FLVCR2: variants seen among roughly 807,000 people sequenced by gnomAD.
The protein encoded by FLVCR2 is choline/ethanolamine transporter FLVCR2.
In FLVCR2, 38 loss-of-function variants were observed where a neutral mutation model predicts 48.9. The ratio of observed to expected loss-of-function variants is 0.78; its 90% CI spans 0.60 to 1.02. The LOEUF is 1.02. Ranked by LOEUF, FLVCR2 falls within the 50% of genes least tolerant of loss-of-function variation. The pLI, the probability that FLVCR2 is intolerant of heterozygous loss-of-function variation, is 0.00. For missense variants in FLVCR2, 664 were observed against 663.3 expected, an observed-to-expected ratio of 1.00 and a Z score of -0.01; for synonymous variants, 255 against 257.0, an observed-to-expected ratio of 0.99 and a Z score of 0.07.
At chr14:75,632,719 C>T in intron 3 of FLVCR2, 1 of 702,284 alleles carries the variant, frequency 1.4e-6, no homozygotes, top group Non-Finnish European at 2.6e-6. Flanking sequence ...CGGTGGTAGT[C>T]TTGTGAGCCT....
intron 1 of FLVCR2, among the ~76,000 whole-genome samples, chr14:75,592,873 A>G (rs1888920133): frequency 6.6e-6 from 1 of 152,130 alleles, no homozygotes; most frequent in African/African-American, 2.4e-5. Flanking sequence ...CTAGGTTATC[A>G]TTTTTAAGTT....
At chr14:75,581,210 G>T (rs961709663) in intron 1 of FLVCR2, among the ~76,000 whole-genome samples, 1 of 152,156 alleles carries the variant, frequency 6.6e-6, no homozygotes, top group East Asian at 1.9e-4. Context: ...AAACTAAACG[G>T]AAGACACAAG....
intron 1 of FLVCR2, among the ~76,000 whole-genome samples, chr14:75,583,823 T>G (rs1440496678): frequency 2.0e-5 from 3 of 152,122 alleles, no homozygotes; most frequent in Non-Finnish European, 4.4e-5. Flanking sequence ...AATGTGGAAT[T>G]GGTAGCCTCC....
chr14:75,623,075 G>C (rs1342893207), intron 2 of FLVCR2, among the ~76,000 whole-genome samples: 2 of 152,122 alleles, frequency 1.3e-5, no homozygotes, highest in Non-Finnish European at 2.9e-5. Flanking sequence ...TCTGCCTCCT[G>C]GGTTCAAGTG....
rs147457802 is a variant in FLVCR2 at position 75,640,214 on chromosome 14, G to A, written c.1236-741G>A. ...GCGGAAGTTGCAGTGAGCCAAGATC[G>A]AACTACTGCACTCCAGCCTGGGAGA... On this transcript the variant is annotated intron_variant, in intron 6 of 9. Coordinates refer to ENST00000238667, the MANE Select transcript of FLVCR2 (RefSeq NM_017791.3). Among the ~76,000 whole-genome samples, 592 of 128,892 alleles carry A rather than the reference G, an allele frequency of 4.6e-3. 3 individuals carry two copies. The highest frequency in any genetic ancestry group is 0.016 in the African/African-American group (570 of 34,600). The allele number at this position is 128,892 out of a possible 152,430, so 84.6% of individuals were successfully genotyped here.
In FLVCR2 at chr14:75,639,342, C is replaced by A. The variant is rs753064767; in HGVS notation, c.1125-10C>A. 1.8e-5 allele frequency: 28 copies of A among 1,575,378 alleles called. No individual in the cohort carries two copies. The South Asian group carries it at 2.9e-4, about 16-fold the overall frequency. ...AGTGTTTGATTCAATTTCTTTGCCTCTACTTGTAGAGAGACAACCCTGGTA... is the reference window on the plus strand; with the variant it reads ...AGTGTTTGATTCAATTTCTTTGCCTATACTTGTAGAGAGACAACCCTGGTA... On this transcript the variant is annotated splice_polypyrimidine_tract_variant and intron_variant, in intron 5 of 9. Coordinates refer to ENST00000238667, the MANE Select transcript of FLVCR2 (RefSeq NM_017791.3).
intron 1 of FLVCR2, among the ~76,000 whole-genome samples, chr14:75,593,409 A>G (rs1295178217): frequency 6.6e-6 from 1 of 152,202 alleles, no homozygotes; most frequent in Non-Finnish European, 1.5e-5. Context: ...CTCTCATGCT[A>G]CATTATAACA....
intron 3 of FLVCR2, among the ~76,000 whole-genome samples, chr14:75,628,202 C>T (rs1252081700): frequency 6.6e-6 from 1 of 152,122 alleles, no homozygotes; most frequent in African/African-American, 2.4e-5. Flanking sequence ...GCAACCTCCA[C>T]CTTCCAGGTT....
In FLVCR2 at chr14:75,579,647, TAG is replaced by T; in HGVS notation, c.669+8_669+9del. 1 of 1,614,008 alleles carries T rather than the reference TAG, an allele frequency of 6.2e-7. No individual in the cohort carries two copies. On this transcript the variant is annotated splice_region_variant and intron_variant, in intron 1 of 9. Coordinates refer to ENST00000238667, the MANE Select transcript of FLVCR2 (RefSeq NM_017791.3). ...TGGCTGTCTTTGGCAATCAGGTAGG[TAG>T]AACAGTTTGTGAATGTTCCCAGGGG...
intron 1 of FLVCR2, among the ~76,000 whole-genome samples, chr14:75,614,870 A>C (rs561897221): frequency 2.0e-5 from 3 of 152,324 alleles, no homozygotes; most frequent in Non-Finnish European, 4.4e-5. Flanking sequence ...AGGAACTGTC[A>C]AACATTTTTC....
intron 1 of FLVCR2, among the ~76,000 whole-genome samples, chr14:75,581,748 TC>T (rs1411933864): frequency 6.6e-6 from 1 of 151,804 alleles, no homozygotes; most frequent in African/African-American, 2.4e-5. Context: ...CGGGGGCAAA[TC>T]CCCAAGCTTG....
In FLVCR2 at chr14:75,641,172, G is replaced by A. The variant is rs768464183; in HGVS notation, c.1342-10G>A. 2 of 1,597,340 alleles carry A rather than the reference G, an allele frequency of 1.3e-6. No homozygotes were observed. The highest frequency in any genetic ancestry group is 1.7e-6 in the Non-Finnish European group (2 of 1,164,818). On this transcript the variant is annotated splice_polypyrimidine_tract_variant and intron_variant, in intron 7 of 9. Transcript: ENST00000238667. The stretch of plus-strand genomic sequence containing the variant: ...GGCCCTTGTTTCCTATCTTCTTTAT[G>A]CCTTTCCAGGTATTTGGGATCATCT...
chr14:75,630,016 G>A (rs565365951), intron 3 of FLVCR2, among the ~76,000 whole-genome samples: 1 of 152,274 alleles, frequency 6.6e-6, no homozygotes, highest in African/African-American at 2.4e-5. Flanking sequence ...GAGCTTTGCC[G>A]AGGTCAAGCT....
At chr14:75,617,263 T>G (rs566742787) in intron 1 of FLVCR2, among the ~76,000 whole-genome samples, 32 of 152,322 alleles carry the variant, frequency 2.1e-4, no homozygotes, top group African/African-American at 7.7e-4. Flanking sequence ...ATTCAAAGTA[T>G]GGCTTCTCCC....
chr14:75,606,479 G>T (rs1490046395), intron 1 of FLVCR2, among the ~76,000 whole-genome samples: 1 of 152,118 alleles, frequency 6.6e-6, no homozygotes, highest in Non-Finnish European at 1.5e-5. Flanking sequence ...GCACACCCAG[G>T]ATTCATCCCT....
chr14:75,583,212 G>T (rs1259293890), intron 1 of FLVCR2, among the ~76,000 whole-genome samples: 1 of 152,152 alleles, frequency 6.6e-6, no homozygotes. Context: ...GGATAGGAGA[G>T]TATATGGCTT....
intron 1 of FLVCR2, among the ~76,000 whole-genome samples, chr14:75,594,467 C>T (rs1888967255): frequency 6.6e-6 from 1 of 152,168 alleles, no homozygotes; most frequent in Non-Finnish European, 1.5e-5. Flanking sequence ...CTGTCTTAGT[C>T]AGTTTTATGC....
intron 9 of FLVCR2, among the ~76,000 whole-genome samples, chr14:75,642,489 T>C (rs1015673379): frequency 1.3e-5 from 2 of 152,176 alleles, no homozygotes; most frequent in Non-Finnish European, 2.9e-5. Flanking sequence ...CCATCTGTTC[T>C]AACCAGCTGG....
chr14:75,622,530 G>A (rs11844569), intron 2 of FLVCR2, among the ~76,000 whole-genome samples: 53 of 152,300 alleles, frequency 3.5e-4, no homozygotes, highest in African/African-American at 9.6e-4. Context: ...TGAGCACTTA[G>A]GCCATCACAG....
Sources: allele counts gnomAD v4.1 joint callset (sites outside exome capture counted in the v4.1 genomes callset), GRCh38; gene constraint gnomAD v4.1.1; transcripts MANE v1.5; gene names NCBI Gene and HGNC (gene_info 2026-07-23, HGNC 2026-07-21).